The following DACH1 variants were observed in gnomAD, a reference collection of about 807,000 sequenced individuals.
The protein encoded by DACH1 is dachshund family transcription factor 1, also known as dachshund homolog 1.
In DACH1, 12 loss-of-function variants were observed where a neutral mutation model predicts 54.2. The observed-to-expected ratio is 0.22, with a 90% CI of 0.14 to 0.36. The LOEUF (loss-of-function observed/expected upper bound fraction) is 0.36. Ranked by LOEUF, DACH1 falls within the 10% of genes least tolerant of loss-of-function variation. The pLI, the probability that DACH1 is intolerant of heterozygous loss-of-function variation, is 1.00. For synonymous variants in DACH1, 386 were observed against 366.2 expected (o/e 1.05, Z -0.62); for missense variants, 805 against 929.8 (o/e 0.87, Z 1.75).
intron 7 of DACH1, among the ~76,000 whole-genome samples, chr13:71,484,624 C>T (rs1476522389): frequency 3.3e-5 from 5 of 152,166 alleles, no homozygotes; most frequent in Non-Finnish European, 7.4e-5. Flanking sequence ...ATTTTATATT[C>T]TCTACTTAAA....
chr13:71,864,813 C>T (rs187823887), intron 1 of DACH1, among the ~76,000 whole-genome samples: 1 of 151,404 alleles, frequency 6.6e-6, no homozygotes, highest in African/African-American at 2.4e-5. Flanking sequence ...GGCTGGGGAC[C>T]GGTCCCGCCG....
intron 1 of DACH1, among the ~76,000 whole-genome samples, chr13:71,792,339 T>TAC (rs140037316): frequency 0.051 from 7,578 of 148,444 alleles, 294 homozygotes; most frequent in African/African-American, 0.12. Context: ...AAGTGTTTTG[T>TAC]ACACACACAC....
chr13:71,651,666 ATCTG>A (rs1382544838), intron 2 of DACH1, among the ~76,000 whole-genome samples: 17 of 128,938 alleles, frequency 1.3e-4, no homozygotes, highest in African/African-American at 5.2e-4. Context: ...ATGTATCTGT[ATCTG>A]TATCTGTATC....
chr13:71,453,954 C>T (rs1049658636), intron 10 of DACH1, among the ~76,000 whole-genome samples: 1 of 152,096 alleles, frequency 6.6e-6, no homozygotes, highest in Non-Finnish European at 1.5e-5. Context: ...ACAATAACAT[C>T]CTATACAAGA....
intron 6 of DACH1, among the ~76,000 whole-genome samples, chr13:71,518,692 T>C (rs1174675402): frequency 6.6e-6 from 1 of 151,776 alleles, no homozygotes; most frequent in Non-Finnish European, 1.5e-5. Context: ...TTTTTGAACC[T>C]TTTAGATACC....
chr13:71,798,987 T>A (rs569509177), intron 1 of DACH1, among the ~76,000 whole-genome samples: 2 of 152,268 alleles, frequency 1.3e-5, no homozygotes, highest in African/African-American at 2.4e-5. Context: ...TGTTTGTTTA[T>A]ACACACTTAA....
intron 6 of DACH1, among the ~76,000 whole-genome samples, chr13:71,543,552 A>G (rs1236398368): frequency 6.6e-6 from 1 of 152,140 alleles, no homozygotes; most frequent in East Asian, 1.9e-4. Context: ...GACAATGAGA[A>G]CTAACATGCT....
intron 2 of DACH1, among the ~76,000 whole-genome samples, chr13:71,677,716 G>GT (rs972632872): frequency 6.6e-6 from 1 of 151,890 alleles, no homozygotes; most frequent in African/African-American, 2.4e-5. Flanking sequence ...TGTTTGTTTG[G>GT]TTTTTTGTTT....
intron 2 of DACH1, among the ~76,000 whole-genome samples, chr13:71,653,287 C>G (rs923118250): frequency 5.3e-5 from 8 of 152,172 alleles, no homozygotes; most frequent in Non-Finnish European, 1.0e-4. Flanking sequence ...CCAGTGCCAA[C>G]AAACATCAGC....
chr13:71,585,190 T>C (rs1175543955), intron 3 of DACH1, among the ~76,000 whole-genome samples: 1 of 150,850 alleles, frequency 6.6e-6, no homozygotes, highest in Non-Finnish European at 1.5e-5. Context: ...ATATTAAAAC[T>C]ACAGGGAGGT....
At chr13:71,592,654 G>A (rs943579130) in intron 3 of DACH1, among the ~76,000 whole-genome samples, 10 of 151,862 alleles carry the variant, frequency 6.6e-5, no homozygotes, top group African/African-American at 2.4e-4. Context: ...TTTCAATACC[G>A]AAAAATAGCT....
intron 6 of DACH1, among the ~76,000 whole-genome samples, chr13:71,555,303 C>T (rs915784598): frequency 4.6e-5 from 7 of 151,610 alleles, no homozygotes; most frequent in Non-Finnish European, 1.0e-4. Context: ...CTTGAGTCTT[C>T]GATGAAACTT....
At chr13:71,616,202 T>C (rs1368558739) in intron 3 of DACH1, among the ~76,000 whole-genome samples, 1 of 152,122 alleles carries the variant, frequency 6.6e-6, no homozygotes, top group African/African-American at 2.4e-5. Flanking sequence ...TCCCCCTTAC[T>C]TCCAAAGATT....
At chr13:71,689,345 A>G (rs1372141815) in intron 1 of DACH1, among the ~76,000 whole-genome samples, 1 of 152,138 alleles carries the variant, frequency 6.6e-6, no homozygotes, top group Non-Finnish European at 1.5e-5. Context: ...ATTTGACCAA[A>G]TTCTGTAAAA....
intron 6 of DACH1, among the ~76,000 whole-genome samples, chr13:71,535,473 G>A (rs75270422): frequency 0.056 from 8,573 of 151,850 alleles, 798 homozygotes; most frequent in African/African-American, 0.19. Context: ...ATGAAATAAG[G>A]AGACAGACTT....
chr13:71,519,028 A>C (rs1246912035), intron 6 of DACH1, among the ~76,000 whole-genome samples: 3 of 151,924 alleles, frequency 2.0e-5, no homozygotes, highest in African/African-American at 7.2e-5. Flanking sequence ...TTCTCACTAC[A>C]ACAGGAGAGT....
intron 7 of DACH1, among the ~76,000 whole-genome samples, chr13:71,480,023 T>C (rs1474615902): frequency 6.6e-6 from 1 of 152,214 alleles, no homozygotes; most frequent in Admixed American, 6.5e-5. Flanking sequence ...TTATGTGGTA[T>C]TGACATATAT....
intron 1 of DACH1, among the ~76,000 whole-genome samples, chr13:71,768,726 T>C (rs1439397266): frequency 6.6e-6 from 1 of 151,944 alleles, no homozygotes; most frequent in South Asian, 2.1e-4. Context: ...GTTTGATAGA[T>C]GTTATACTAA....
At chr13:71,460,081 A>G (rs1330556468) in intron 10 of DACH1, among the ~76,000 whole-genome samples, 2 of 152,094 alleles carry the variant, frequency 1.3e-5, no homozygotes, top group Non-Finnish European at 2.9e-5. Flanking sequence ...AGAGTCATAC[A>G]TAAAAACACT....
Sources: gnomAD v4.1 joint callset for allele counts (sites outside exome capture counted in the v4.1 genomes callset) on GRCh38, gnomAD v4.1.1 for gene constraint, MANE v1.5 for transcripts, NCBI Gene and HGNC (gene_info 2026-07-23, HGNC 2026-07-21) for gene names.